The following ID2 variants were observed in gnomAD, a reference collection of about 807,000 sequenced individuals.
ID2 encodes the protein inhibitor of DNA binding 2, also known as DNA-binding protein inhibitor ID-2.
In ID2, 2 loss-of-function variants were observed where a neutral mutation model predicts 8.3. That is an observed-to-expected ratio of 0.24 (90% CI 0.10 to 0.76). The LOEUF is 0.76. Among genes scored for constraint, ID2 ranks in the 30% least tolerant of loss-of-function variants. The pLI is 0.73. For synonymous variants in ID2, 112 were observed against 72.3 expected, an observed-to-expected ratio of 1.55 and a Z score of -2.79; for missense variants, 155 against 167.0, an observed-to-expected ratio of 0.93 and a Z score of 0.40.
At position 8,682,372 on chromosome 2, in the gene ID2, C is replaced by G; in HGVS notation, c.207C>G (p.Ile69Met). 3.7e-6 allele frequency: 6 copies of G among 1,613,996 alleles called. No homozygotes were observed. The highest frequency in any genetic ancestry group is 5.1e-6 in the Non-Finnish European group (6 of 1,180,020). Residue 69 changes from isoleucine to methionine, a missense_variant, in exon 1 of 3, where the codon ATC becomes ATG. Ile to Met is a conservative substitution (Grantham distance 10). Transcript: ENST00000396290. Reference protein sequence around the residue: ...VSKMEILQHVIDYILDLQIAL... With the variant: ...VSKMEILQHVMDYILDLQIAL... ...AGATGGAAATCCTGCAGCACGTCAT[C>G]GACTACATCTTGGACCTGCAGATCG...
intron 1 of ID2, 80 bp from the exon 2 acceptor site, chr2:8,682,763 A>C (rs1247606164): frequency 9.4e-4 from 157 of 166,394 alleles, no homozygotes; most frequent in South Asian, 8.6e-3. Context: ...TGTGGACTAC[A>C]AAAAAAAAAA....
In ID2 at chr2:8,682,855, C is replaced by T. The variant is rs200461867; in HGVS notation, c.361C>T (p.Pro121Ser). 55 of 1,613,086 alleles carry T rather than the reference C, an allele frequency of 3.4e-5. No homozygotes were observed. In the East Asian group the frequency reaches 9.4e-4, roughly 27 times the overall value. Residue 121 changes from proline (P) to serine (S), a missense_variant, in exon 2 of 3, where the codon CCT becomes TCT. This residue lies in a region of ID2 where 75 missense variants were observed against 72.2 expected (regional missense o/e 1.04). Coordinates refer to ENST00000396290, the MANE Select transcript of ID2 (RefSeq NM_002166.5). ...SILSLQASEF[P>S]SELMSNDSKA... Reference sequence around the variant, plus strand: ...TCTTTCTTTCCAGGCTTCTGAATTCCCTTCTGAGTTAATGTCAAATGACAG... The same window carrying T: ...TCTTTCTTTCCAGGCTTCTGAATTCTCTTCTGAGTTAATGTCAAATGACAG...
Position 8,682,513 on chromosome 2 carries a change from G to A in ID2, c.348G>A (p.Gln116=), listed in dbSNP as rs1558272817. 6.2e-7 allele frequency: 1 copy of A among 1,609,330 alleles called. No individual in the cohort carries two copies. The highest frequency in any genetic ancestry group is 8.5e-7 in the Non-Finnish European group (1 of 1,177,286). ...LNTDISILSL[Q]ASEFPSELMS... ...CGGATATCAGCATCCTGTCCTTGCA[G>A]GTAAGACCTGCTCCGGGGTCCCCGC... is the stretch of plus-strand genomic sequence containing the variant. The change falls in exon 1 of 3, where the codon CAG becomes CAA. Residue 116 remains glutamine, a splice_region_variant and synonymous_variant. Coordinates refer to ENST00000396290, the MANE Select transcript of ID2 (RefSeq NM_002166.5).
Position 8,682,120 on chromosome 2 carries a change from C to T in ID2, c.-46C>T. ...CAGGCGGCAGCGGCGGCCTGAGCTTCAGGGCAGCCAGCTCCCTCCCGGTCT... is the reference window on the plus strand; with the variant it reads ...CAGGCGGCAGCGGCGGCCTGAGCTTTAGGGCAGCCAGCTCCCTCCCGGTCT... On this transcript the variant is annotated 5_prime_UTR_variant, in exon 1 of 3. Coordinates refer to ENST00000396290, the MANE Select transcript of ID2 (RefSeq NM_002166.5). 2.0e-6 allele frequency: 3 copies of T among 1,509,524 alleles called. No homozygotes were observed. The highest frequency in any genetic ancestry group is 1.1e-5 in the South Asian group (1 of 87,104). 93.5% of individuals were successfully genotyped at this position (1,509,524 alleles called of 1,614,324 possible). A position where few individuals can be genotyped will look rare whatever the true frequency, so the allele number is the denominator to read the frequency against.
chr2:8,683,376 C>T (rs367570821), intron 2 of ID2, among the ~76,000 whole-genome samples: 2 of 152,194 alleles, frequency 1.3e-5, no homozygotes. Flanking sequence ...ACTTCCCTAT[C>T]TGTTAACTAA....
chr2:8,682,450 G>T lies in ID2; in HGVS notation c.285G>T (p.Gln95His), dbSNP rs766579151. ...IVSLHHQRPGQNQASRTPLTT... is the reference protein window; with the variant it reads ...IVSLHHQRPGHNQASRTPLTT... ...GCCTGCATCACCAGAGACCCGGGCAGAACCAGGCGTCCAGGACGCCGCTGA... is the reference window on the plus strand; with the variant it reads ...GCCTGCATCACCAGAGACCCGGGCATAACCAGGCGTCCAGGACGCCGCTGA... The change falls in exon 1 of 3, where the codon CAG (glutamine) becomes CAT (histidine). Residue 95 changes from glutamine to histidine, a missense_variant. Gln to His is a conservative substitution (Grantham distance 24). Coordinates refer to ENST00000396290, the MANE Select transcript of ID2 (RefSeq NM_002166.5). The T allele has an allele frequency of 6.2e-7, 1 of 1,613,664 alleles. No individual in the cohort carries two copies. The highest frequency in any genetic ancestry group is 8.5e-7 in the Non-Finnish European group (1 of 1,180,012).
chr2:8,682,090 C>A lies in ID2; in HGVS notation c.-76C>A. Reference sequence around the variant, plus strand: ...CGAGCCCGGTGCCAAGCGCAGCTAGCTCAGCAGGCGGCAGCGGCGGCCTGA... The same window carrying A: ...CGAGCCCGGTGCCAAGCGCAGCTAGATCAGCAGGCGGCAGCGGCGGCCTGA... On this transcript the variant is annotated 5_prime_UTR_variant, in exon 1 of 3. Coordinates refer to ENST00000396290, the MANE Select transcript of ID2 (RefSeq NM_002166.5). 2 of 1,229,662 alleles carry A rather than the reference C, an allele frequency of 1.6e-6. No homozygotes were observed. Among genetic ancestry groups the A allele is most frequent in the Admixed American group, 1.9e-5 (1 of 53,288 alleles). 76.2% of individuals were successfully genotyped at this position (1,229,662 alleles called of 1,614,324 possible).
Position 8,682,918 on chromosome 2 carries a change from C to T in ID2, c.*7+12C>T, listed in dbSNP as rs377037800. Reference sequence around the variant, plus strand: ...TGGCTGAATAAGCGGTGAGTGTTTGCTTGTGCCACCCGTGGGTAAACTGCC... The same window carrying T: ...TGGCTGAATAAGCGGTGAGTGTTTGTTTGTGCCACCCGTGGGTAAACTGCC... On this transcript the variant is annotated intron_variant, in intron 2 of 2. Transcript: ENST00000396290. 2 of 1,609,906 alleles carry T rather than the reference C, an allele frequency of 1.2e-6. No homozygotes were observed. The highest frequency in any genetic ancestry group is 1.3e-5 in the African/African-American group (1 of 74,830).
intron 1 of ID2, 109 bp downstream of exon 1, chr2:8,682,622 A>C: frequency 4.9e-6 from 4 of 814,904 alleles, no homozygotes; most frequent in Non-Finnish European, 7.8e-6. Context: ...TGAGCTATTT[A>C]ACTTTATTTT....
At chr2:8,682,962 C>T (rs1437447713) in intron 2 of ID2, 56 bp downstream of exon 2, 56 of 1,310,644 alleles carry the variant, frequency 4.3e-5, no homozygotes, top group Non-Finnish European at 2.4e-5. Flanking sequence ...TGTGTGCGCG[C>T]GCGCGCATGT....
intron 1 of ID2, 129 bp downstream of exon 1, chr2:8,682,642 C>G (rs950972506): frequency 6.7e-6 from 5 of 744,464 alleles, no homozygotes; most frequent in Admixed American, 2.7e-5. Context: ...TCTTCAGAAT[C>G]TGCTGTAGAT....
In ID2 at chr2:8,682,396, C is replaced by G. The variant is rs745525450; in HGVS notation, c.231C>G (p.Ile77Met). The part of the protein sequence containing the change: ...HVIDYILDLQ[I>M]ALDSHPTIVS... ...TCGACTACATCTTGGACCTGCAGAT[C>G]GCCCTGGACTCGCATCCCACTATTG... The change falls in exon 1 of 3, where the codon ATC becomes ATG. Residue 77 changes from isoleucine to methionine, a missense_variant. Coordinates refer to ENST00000396290, the MANE Select transcript of ID2 (RefSeq NM_002166.5). 6.2e-7 allele frequency: 1 copy of G among 1,613,928 alleles called. No individual in the cohort carries two copies. The highest frequency in any genetic ancestry group is 2.2e-5 in the East Asian group (1 of 44,884).
intron 1 of ID2, 114 bp downstream of exon 1, chr2:8,682,627 T>A (rs1308341946): frequency 3.8e-6 from 3 of 793,318 alleles, no homozygotes; most frequent in South Asian, 1.7e-5. Context: ...TATTTAACTT[T>A]ATTTTCTTCA....
At position 8,682,416 on chromosome 2, in the gene ID2, C is replaced by G. The variant is rs777047997; in HGVS notation, c.251C>G (p.Thr84Ser). 8.1e-6 allele frequency: 13 copies of G among 1,613,754 alleles called. No homozygotes were observed. The South Asian group carries it at 1.3e-4, about 16-fold the overall frequency. ...CAGATCGCCCTGGACTCGCATCCCA[C>G]TATTGTCAGCCTGCATCACCAGAGA... ...DLQIALDSHP[T>S]IVSLHHQRPG... Residue 84 changes from threonine (T) to serine (S), a missense_variant, in exon 1 of 3, where the codon ACT (threonine) becomes AGT (serine). Thr to Ser is a moderately conservative substitution (Grantham distance 58). This residue lies in a region of ID2 where 75 missense variants were observed against 72.2 expected (regional missense o/e 1.04). Transcript: ENST00000396290.
rs899553506 is a variant in ID2, at chr2:8,684,442, G to A, written c.*765G>A. Reference sequence around the variant, plus strand: ...ACTGTATAAGATTATAATAAAACATGTCTGAAGTCAATACCTGAATTCCGA... The same window carrying A: ...ACTGTATAAGATTATAATAAAACATATCTGAAGTCAATACCTGAATTCCGA... On this transcript the variant is annotated 3_prime_UTR_variant, in exon 3 of 3. Coordinates refer to ENST00000396290, the MANE Select transcript of ID2 (RefSeq NM_002166.5). The A allele has an allele frequency of 1.8e-4, 27 of 150,392 alleles. No individual in the cohort carries two copies. The highest frequency in any genetic ancestry group is 6.4e-4 in the African/African-American group (26 of 40,620). The allele number at this position is 150,392 out of a possible 1,614,324, so 9.3% of individuals were successfully genotyped here.
In ID2 at chr2:8,682,273, A is replaced by G. The variant is rs779958591; in HGVS notation, c.108A>G (p.Leu36=). Residue 36 remains leucine, a synonymous_variant, in exon 1 of 3, where the codon CTA becomes CTG. Transcript: ENST00000396290. ...CTGTGGACGACCCGATGAGCCTGCTATACAACATGAACGACTGCTACTCCA... is the reference window on the plus strand; with the variant it reads ...CTGTGGACGACCCGATGAGCCTGCTGTACAACATGAACGACTGCTACTCCA... ...KTPVDDPMSL[L]YNMNDCYSKL... 2.7e-5 allele frequency: 44 copies of G among 1,614,032 alleles called. No individual in the cohort carries two copies. The East Asian group carries it at 8.2e-4, about 30-fold the overall frequency.
Position 8,682,538 on chromosome 2 carries a change from C to T in ID2, c.348+25C>T, listed in dbSNP as rs1489710237. On this transcript the variant is annotated intron_variant, in intron 1 of 2. Transcript: ENST00000396290. Reference sequence around the variant, plus strand: ...GGTAAGACCTGCTCCGGGGTCCCCGCCCCGCCGCCGCACACTCCCGCGGTC... The same window carrying T: ...GGTAAGACCTGCTCCGGGGTCCCCGTCCCGCCGCCGCACACTCCCGCGGTC... 2.6e-6 allele frequency: 4 copies of T among 1,562,724 alleles called. No individual in the cohort carries two copies. In the Admixed American group the frequency reaches 6.8e-5, roughly 27 times the overall value.
intron 1 of ID2, 79 bp from the exon 2 acceptor site, chr2:8,682,760 TACAA>T: frequency 1.1e-6 from 1 of 928,568 alleles, no homozygotes; most frequent in South Asian, 1.5e-5. Context: ...GTCTGTGGAC[TACAA>T]AAAAAAAAAA....
In ID2 at chr2:8,682,249, T is replaced by G; in HGVS notation, c.84T>G (p.Pro28=). 6.2e-7 allele frequency: 1 copy of G among 1,614,060 alleles called. No individual in the cohort carries two copies. The highest frequency in any genetic ancestry group is 1.1e-5 in the South Asian group (1 of 91,082). ...TGGGCATCTCCCGGAGCAAAACCCC[T>G]GTGGACGACCCGATGAGCCTGCTAT... ...HSLGISRSKT[P]VDDPMSLLYN... is the part of the protein sequence containing the mutation. Residue 28 remains proline (P), a synonymous_variant, in exon 1 of 3, where the codon CCT becomes CCG. Transcript: ENST00000396290.
Sources: allele counts gnomAD v4.1 joint callset (sites outside exome capture counted in the v4.1 genomes callset), GRCh38; gene constraint gnomAD v4.1.1; regional missense constraint gnomAD v4.1.1; transcripts MANE v1.5; gene names NCBI Gene and HGNC (gene_info 2026-07-23, HGNC 2026-07-21).